RALYL: variants seen among roughly 807,000 people sequenced by gnomAD.
RALYL encodes RNA-binding Raly-like protein.
A neutral mutation model predicts 35.1 loss-of-function variants in RALYL; 29 were observed. The observed-to-expected ratio is 0.83, with a 90% CI of 0.61 to 1.13. The LOEUF (loss-of-function observed/expected upper bound fraction) is 1.13. Among genes scored for constraint, RALYL ranks in the 50% most tolerant of loss-of-function variants. RALYL has a pLI of 0.00. For missense variants in RALYL, 359 were observed against 360.4 expected (o/e 1.00, Z 0.03); for synonymous variants, 120 against 127.6 (o/e 0.94, Z 0.40).
rs1487013909 is a variant in RALYL at position 84,710,214 on chromosome 8, C to T, written c.257-64365C>T. 4.0e-5 allele frequency among the ~76,000 whole-genome samples: 6 copies of T among 151,880 alleles called. No individual in the cohort carries two copies. In the East Asian group the frequency reaches 1.2e-3, roughly 29 times the overall value. ...TCTGTTGAAGGTTTCACTCACATGC[C>T]ACATCCTTCCTAAATGCCTCTCCAG... On this transcript the variant is annotated intron_variant, in intron 2 of 8. Coordinates refer to ENST00000521268, the MANE Select transcript of RALYL (RefSeq NM_173848.7).
At chr8:84,691,883 T>C (rs964134038) in intron 2 of RALYL, among the ~76,000 whole-genome samples, 1 of 152,030 alleles carries the variant, frequency 6.6e-6, no homozygotes, top group African/African-American at 2.4e-5. Flanking sequence ...CAGTGATTCA[T>C]AGAAAGTATA....
chr8:84,424,509 C>T (rs566835712), intron 1 of RALYL, among the ~76,000 whole-genome samples: 6 of 150,108 alleles, frequency 4.0e-5, no homozygotes, highest in Admixed American at 2.0e-4. Context: ...CCTTCCATAG[C>T]TCAGAGTAAT....
At chr8:84,252,379 A>G (rs1830361425) in intron 1 of RALYL, among the ~76,000 whole-genome samples, 1 of 152,154 alleles carries the variant, frequency 6.6e-6, no homozygotes, top group Admixed American at 6.5e-5. Flanking sequence ...AATATTAATT[A>G]GTTATAAAAT....
intron 1 of RALYL, among the ~76,000 whole-genome samples, chr8:84,288,109 G>C (rs145369674): frequency 6.6e-6 from 1 of 152,164 alleles, no homozygotes; most frequent in African/African-American, 2.4e-5. Context: ...GCTGAGCATC[G>C]GAGGACTTAT....
intron 1 of RALYL, among the ~76,000 whole-genome samples, chr8:84,506,712 A>C (rs2057197357): frequency 6.6e-6 from 1 of 151,996 alleles, no homozygotes; most frequent in Admixed American, 6.6e-5. Context: ...TAGCATATTA[A>C]GAAATCTTCA....
At chr8:84,261,026 T>C (rs563230817) in intron 1 of RALYL, among the ~76,000 whole-genome samples, 1 of 152,246 alleles carries the variant, frequency 6.6e-6, no homozygotes, top group East Asian at 1.9e-4. Context: ...GTTTAACCGT[T>C]TTTGCTGCCT....
intron 2 of RALYL, among the ~76,000 whole-genome samples, chr8:84,608,507 G>T (rs1408665545): frequency 6.6e-6 from 1 of 152,082 alleles, no homozygotes; most frequent in Admixed American, 6.6e-5. Flanking sequence ...GGACTCCCTG[G>T]ATCTGCTAGA....
chr8:84,416,178 TGA>T (rs2044676162), intron 1 of RALYL, among the ~76,000 whole-genome samples: 2 of 152,230 alleles, frequency 1.3e-5, no homozygotes, highest in Non-Finnish European at 2.9e-5. Flanking sequence ...CAACATTTAT[TGA>T]GCATTCACTC....
Position 84,842,640 on chromosome 8 carries a change from T to C in RALYL, c.366-7340T>C, listed in dbSNP as rs113292540. Reference sequence around the variant, plus strand: ...TTATGAGGCCTGCATCATACTGATATCAAAGCCTGGCAGAGACACAACAGA... The same window carrying C: ...TTATGAGGCCTGCATCATACTGATACCAAAGCCTGGCAGAGACACAACAGA... On this transcript the variant is annotated intron_variant, in intron 4 of 8. Coordinates refer to ENST00000521268, the MANE Select transcript of RALYL (RefSeq NM_173848.7). Among the ~76,000 whole-genome samples, 457 of 152,178 alleles carry C rather than the reference T, an allele frequency of 3.0e-3. 1 individual carries two copies. Among genetic ancestry groups the C allele is most frequent in the African/African-American group, 0.011 (442 of 41,534 alleles).
intron 2 of RALYL, among the ~76,000 whole-genome samples, chr8:84,534,306 G>A (rs2059458992): frequency 6.6e-6 from 1 of 152,176 alleles, no homozygotes; most frequent in Non-Finnish European, 1.5e-5. Flanking sequence ...AATCCCTTTT[G>A]CCTGGCTAAT....
At chr8:84,624,702 G>A (rs149790493) in intron 2 of RALYL, among the ~76,000 whole-genome samples, 60 of 152,264 alleles carry the variant, frequency 3.9e-4, no homozygotes, top group African/African-American at 1.1e-3. Flanking sequence ...GGACATGGAC[G>A]TCTTTGGGGA....
chr8:84,883,967 T>G (rs7818056), intron 7 of RALYL, among the ~76,000 whole-genome samples: 69,554 of 151,890 alleles, frequency 0.46, 18,952 homozygotes, highest in African/African-American at 0.75. Context: ...AGATGTTATT[T>G]TCATGCTTAC....
intron 2 of RALYL, among the ~76,000 whole-genome samples, chr8:84,756,325 C>T (rs1285419188): frequency 1.3e-5 from 2 of 152,000 alleles, no homozygotes; most frequent in Non-Finnish European, 2.9e-5. Context: ...GATGGCCATC[C>T]AAATGAACAG....
rs1006579051 is a variant in RALYL, at chr8:84,432,319, C to A, written c.-23-96980C>A. Among the ~76,000 whole-genome samples the A allele has an allele frequency of 1.1e-4, 17 of 152,072 alleles. No individual in the cohort carries two copies. The East Asian group carries it at 3.1e-3, about 28-fold the overall frequency. On this transcript the variant is annotated intron_variant, in intron 1 of 8. Coordinates refer to ENST00000521268, the MANE Select transcript of RALYL (RefSeq NM_173848.7). ...GCAGTATTTCACTTATATGAGGAGT[C>A]TAAAATAGTCAGACTTACAGAGGCA...
chr8:84,693,027 A>C (rs987951501), intron 2 of RALYL, among the ~76,000 whole-genome samples: 3 of 152,000 alleles, frequency 2.0e-5, no homozygotes, highest in African/African-American at 7.2e-5. Flanking sequence ...ACCTTATTTT[A>C]AATGTCTAAC....
In RALYL at chr8:84,270,674, A is replaced by G. The variant is rs149415619; in HGVS notation, c.-24+86250A>G. Among the ~76,000 whole-genome samples, 759 of 152,254 alleles carry G rather than the reference A, an allele frequency of 5.0e-3. 8 individuals carry two copies. The highest frequency in any genetic ancestry group is 0.018 in the African/African-American group (737 of 41,548). The stretch of plus-strand genomic sequence containing the variant: ...GACACTGTGACACTATAATATTTAT[A>G]CTGCATGTTTTATTCCACACTTTTT... On this transcript the variant is annotated intron_variant, in intron 1 of 8. Coordinates refer to ENST00000521268, the MANE Select transcript of RALYL (RefSeq NM_173848.7).
Position 84,184,370 on chromosome 8 carries a change from G to A in RALYL, c.-78G>A, listed in dbSNP as rs1461245573. The A allele has an allele frequency of 6.6e-6, 1 of 151,222 alleles. No homozygotes were observed. Among genetic ancestry groups the A allele is most frequent in the Admixed American group, 6.6e-5 (1 of 15,186 alleles). 9.4% of individuals were successfully genotyped at this position (151,222 alleles called of 1,614,324 possible). A position where few individuals can be genotyped will look rare whatever the true frequency, so the allele number is the denominator to read the frequency against. On this transcript the variant is annotated 5_prime_UTR_variant, in exon 1 of 9. Transcript: ENST00000521268. The stretch of plus-strand genomic sequence containing the variant: ...GAAAAAAAAAAATGAAGTGCGGTTT[G>A]GTTTCCTTGTCAACGGAGGATGAAG...
At chr8:84,878,688 C>T (rs183487717) in intron 7 of RALYL, among the ~76,000 whole-genome samples, 9 of 151,158 alleles carry the variant, frequency 6.0e-5, no homozygotes, top group Admixed American at 2.0e-4. Flanking sequence ...GTATTCAAAG[C>T]GCTGATAAAA....
intron 1 of RALYL, among the ~76,000 whole-genome samples, chr8:84,398,272 A>G (rs1366291972): frequency 6.6e-6 from 1 of 152,074 alleles, no homozygotes; most frequent in African/African-American, 2.4e-5. Flanking sequence ...CTTCTCAGTT[A>G]ACAGAACATT....
Sources: allele counts gnomAD v4.1 joint callset (sites outside exome capture counted in the v4.1 genomes callset), GRCh38; gene constraint gnomAD v4.1.1; transcripts MANE v1.5; gene names NCBI Gene and HGNC (gene_info 2026-07-23, HGNC 2026-07-21).